The following KCNN3 variants were observed in gnomAD, a reference collection of about 807,000 sequenced individuals.
KCNN3 encodes the protein small conductance calcium-activated potassium channel protein 3.
A neutral mutation model predicts 62.9 loss-of-function variants in KCNN3; 16 were observed. The observed-to-expected ratio is 0.25, with a 90% CI of 0.17 to 0.39. The LOEUF is 0.39. Ranked by LOEUF, KCNN3 falls within the 10% of genes least tolerant of loss-of-function variation. KCNN3 has a pLI of 1.00. For synonymous variants in KCNN3, 370 were observed against 389.2 expected (o/e 0.95, Z 0.58); for missense variants, 599 against 949.4 (o/e 0.63, Z 4.85).
chr1:154,767,552 C>T (rs1327613616), intron 3 of KCNN3, among the ~76,000 whole-genome samples: 1 of 152,236 alleles, frequency 6.6e-6, no homozygotes, highest in Non-Finnish European at 1.5e-5. Context: ...CTGCTCAAGG[C>T]ACGCTAGGAA....
chr1:154,740,691 T>G (rs985911257), intron 3 of KCNN3, among the ~76,000 whole-genome samples: 1 of 152,230 alleles, frequency 6.6e-6, no homozygotes, highest in African/African-American at 2.4e-5. Flanking sequence ...CACTAGTGGG[T>G]GAATTGGGAT....
intron 2 of KCNN3, among the ~76,000 whole-genome samples, chr1:154,783,212 CA>C (rs11319743): frequency 0.73 from 101,954 of 140,146 alleles, 37,112 homozygotes; most frequent in East Asian, 0.79. Flanking sequence ...GACTCCATCT[CA>C]AAAAAAAAAA....
At chr1:154,787,482 CT>C (rs1649331703) in intron 2 of KCNN3, among the ~76,000 whole-genome samples, 1 of 152,224 alleles carries the variant, frequency 6.6e-6, no homozygotes, top group Admixed American at 6.5e-5. Flanking sequence ...ATGCAAGTTC[CT>C]GATGAACCAG....
In KCNN3 at chr1:154,698,292, C is replaced by T. The variant is rs976154164; in HGVS notation, c.*9684G>A. 6.6e-6 allele frequency: 1 copy of T among 152,182 alleles called. No individual in the cohort carries two copies. The highest frequency in any genetic ancestry group is 1.5e-5 in the Non-Finnish European group (1 of 68,020). 9.4% of individuals were successfully genotyped at this position (152,182 alleles called of 1,614,324 possible). A position where few individuals can be genotyped will look rare whatever the true frequency, so the allele number is the denominator to read the frequency against. ...CTTGGGGAAATTCATTTCCCATCCC[C>T]TGGCTGCCAAGCCTTCCTACTCACA... On this transcript the variant is annotated 3_prime_UTR_variant, in exon 8 of 8. Transcript: ENST00000271915.
intron 4 of KCNN3, among the ~76,000 whole-genome samples, chr1:154,727,512 A>G (rs1042571010): frequency 6.6e-6 from 1 of 152,220 alleles, no homozygotes; most frequent in Non-Finnish European, 1.5e-5. Context: ...ATGTGGTTGA[A>G]GTTCACAATG....
rs551332158 is a variant in KCNN3, at chr1:154,734,829, A to G, written c.1449-1685T>C. On this transcript the variant is annotated intron_variant, in intron 3 of 7. Coordinates refer to ENST00000271915, the MANE Select transcript of KCNN3 (RefSeq NM_002249.6). ...CCCAGGTAAGCAGCAGGAGGCACGG[A>G]GACACTGGGTGACTTGCCTAAGGAC... Among the ~76,000 whole-genome samples the G allele has an allele frequency of 7.2e-5, 11 of 152,354 alleles. No homozygotes were observed. In the Middle Eastern group the frequency reaches 0.01, roughly 141 times the overall value.
Position 154,701,488 on chromosome 1 carries a change from T to C in KCNN3, c.*6488A>G, listed in dbSNP as rs1345719247. 1 of 152,156 alleles carries C rather than the reference T, an allele frequency of 6.6e-6. No homozygotes were observed. The highest frequency in any genetic ancestry group is 1.5e-5 in the Non-Finnish European group (1 of 68,036). The allele number at this position is 152,156 out of a possible 1,614,324, so 9.4% of individuals were successfully genotyped here. On this transcript the variant is annotated 3_prime_UTR_variant, in exon 8 of 8. Coordinates refer to ENST00000271915, the MANE Select transcript of KCNN3 (RefSeq NM_002249.6). ...CCATATGAAGGAGGGAACTGAGAAC[T>C]TCTACATGTATGTCTCAGCTGCTCT...
At chr1:154,736,964 G>A in intron 3 of KCNN3, 1 of 697,466 alleles carries the variant, frequency 1.4e-6, no homozygotes, top group Admixed American at 2.0e-5. Context: ...TACGGAAGAT[G>A]CTGAGATGAA....
chr1:154,796,409 T>C (rs946300382), intron 2 of KCNN3, among the ~76,000 whole-genome samples: 1 of 152,186 alleles, frequency 6.6e-6, no homozygotes, highest in Non-Finnish European at 1.5e-5. Flanking sequence ...GGGAAGAGGT[T>C]GAGGGCAGAG....
chr1:154,717,564 T>TA (rs397969301), intron 5 of KCNN3, among the ~76,000 whole-genome samples: 2 of 147,710 alleles, frequency 1.4e-5, no homozygotes, highest in African/African-American at 5.0e-5. Context: ...TTTTTTTTTT[T>TA]AAATCATCAT....
intron 2 of KCNN3, among the ~76,000 whole-genome samples, chr1:154,787,384 C>T (rs6660569): frequency 0.073 from 11,119 of 152,266 alleles, 748 homozygotes; most frequent in African/African-American, 0.18. Context: ...ATCACCACAG[C>T]GACTGCTGCT....
At chr1:154,752,456 C>T (rs1219544698) in intron 3 of KCNN3, among the ~76,000 whole-genome samples, 3 of 152,154 alleles carry the variant, frequency 2.0e-5, no homozygotes, top group South Asian at 2.1e-4. Context: ...AAGGGAACCT[C>T]GGAGAATGGG....
intron 1 of KCNN3, among the ~76,000 whole-genome samples, chr1:154,830,230 C>T (rs950290803): frequency 2.6e-5 from 4 of 152,182 alleles, no homozygotes; most frequent in South Asian, 4.1e-4. Context: ...GTGCTAATTT[C>T]GTTAGGTCCT....
chr1:154,782,159 A>G (rs1410854654), intron 2 of KCNN3, among the ~76,000 whole-genome samples: 3 of 152,236 alleles, frequency 2.0e-5, no homozygotes, highest in Non-Finnish European at 4.4e-5. Context: ...AGCAGGACCC[A>G]GATCATTGGG....
At position 154,859,952 on chromosome 1, in the gene KCNN3, C is replaced by A. The variant is rs375309075; in HGVS notation, c.933+9080G>T. ...TATTATTTCACACATCATTTGCATGCTGTTCATTTAGTATCATCAAGGCTC... is the reference window on the plus strand; with the variant it reads ...TATTATTTCACACATCATTTGCATGATGTTCATTTAGTATCATCAAGGCTC... On this transcript the variant is annotated intron_variant, in intron 1 of 7. Coordinates refer to ENST00000271915, the MANE Select transcript of KCNN3 (RefSeq NM_002249.6). 4 of 880,826 alleles carry A rather than the reference C, an allele frequency of 4.5e-6. No homozygotes were observed. The East Asian group carries it at 1.1e-4, about 25-fold the overall frequency. The allele number at this position is 880,826 out of a possible 1,614,324, so 54.6% of individuals were successfully genotyped here.
chr1:154,715,515 C>T (rs1013605936), intron 5 of KCNN3, among the ~76,000 whole-genome samples: 8 of 151,556 alleles, frequency 5.3e-5, no homozygotes, highest in African/African-American at 1.7e-4. Context: ...CAGACCAGAG[C>T]TTGAAGTTGG....
At position 154,774,561 on chromosome 1, in the gene KCNN3, G is replaced by A. The variant is rs79303737; in HGVS notation, c.1030-2168C>T. ...TGTTCGGTGTGGGCCTCCTGTGCAG[G>A]CACCTCACTTCTGGGAGGTAGTGGA... On this transcript the variant is annotated intron_variant, in intron 2 of 7. Transcript: ENST00000271915. Among the ~76,000 whole-genome samples, 685 of 152,348 alleles carry A rather than the reference G, an allele frequency of 4.5e-3. 5 individuals carry two copies. Among genetic ancestry groups the A allele is most frequent in the African/African-American group, 0.016 (647 of 41,582 alleles).
At chr1:154,756,549 G>A (rs960626462) in intron 3 of KCNN3, among the ~76,000 whole-genome samples, 8 of 151,736 alleles carry the variant, frequency 5.3e-5, no homozygotes, top group Non-Finnish European at 5.9e-5. Flanking sequence ...CCAGCTCAGG[G>A]CCTTGGTGCA....
At chr1:154,767,620 A>G (rs987851911) in intron 3 of KCNN3, among the ~76,000 whole-genome samples, 5 of 152,206 alleles carry the variant, frequency 3.3e-5, no homozygotes, top group Admixed American at 3.3e-4. Context: ...TGGTCTCTCC[A>G]CCAGTAAAGC....
Sources: gnomAD v4.1 joint callset for allele counts (sites outside exome capture counted in the v4.1 genomes callset) on GRCh38, gnomAD v4.1.1 for gene constraint, MANE v1.5 for transcripts, NCBI Gene and HGNC (gene_info 2026-07-23, HGNC 2026-07-21) for gene names.